The following RBCK1 variants were observed in gnomAD, a reference collection of about 807,000 sequenced individuals.
RBCK1 encodes RANBP2-type and C3HC4-type zinc finger containing 1.
A neutral mutation model predicts 71.1 loss-of-function variants in RBCK1; 44 were observed. That is an observed-to-expected ratio of 0.62 (90% confidence interval 0.49 to 0.80). RBCK1 has a LOEUF of 0.80. Ranked by LOEUF, RBCK1 falls within the 30% of genes least tolerant of loss-of-function variation. The pLI is 0.00. For synonymous variants in RBCK1, 306 were observed against 279.7 expected (o/e 1.09, Z -0.94); for missense variants, 569 against 685.0 (o/e 0.83, Z 1.89).
chr20:429,489 G>A (rs1216812660), intron 11 of RBCK1, among the ~76,000 whole-genome samples: 1 of 152,154 alleles, frequency 6.6e-6, no homozygotes, highest in Non-Finnish European at 1.5e-5. Context: ...GCCTCCCAAA[G>A]TGCTAGGATT....
At chr20:409,710 C>A in intron 1 of RBCK1, 171 bp from the exon 2 acceptor site, 4 of 982,356 alleles carry the variant, frequency 4.1e-6, no homozygotes, top group Non-Finnish European at 5.9e-6. Context: ...TATTAGAGAA[C>A]CCCTCCCGGA....
intron 7 of RBCK1, 55 bp downstream of exon 7, chr20:421,086 C>T (rs2016405661): frequency 2.0e-6 from 3 of 1,481,004 alleles, no homozygotes; most frequent in African/African-American, 2.8e-5. Flanking sequence ...CCGCCAATTA[C>T]GCAGGGCTGG....
At position 418,709 on chromosome 20, in the gene RBCK1, AT is replaced by A. The variant is rs956918054; in HGVS notation, c.461-630del. ...TATCATTCTCTTTCTATATAAAATT[AT>A]TTTTTTTCTGAACCATTTTGAGAGT... On this transcript the variant is annotated intron_variant, in intron 4 of 11. Coordinates refer to ENST00000356286, the MANE Select transcript of RBCK1 (RefSeq NM_031229.4). Among the ~76,000 whole-genome samples, 213 of 152,054 alleles carry A rather than the reference AT, an allele frequency of 1.4e-3. No individual in the cohort carries two copies. The Middle Eastern group carries it at 0.024, about 17-fold the overall frequency.
rs141609326 is a variant in RBCK1 at position 424,235 on chromosome 20, G to A, written c.1029+1997G>A. On this transcript the variant is annotated intron_variant, in intron 8 of 11. Transcript: ENST00000356286. The stretch of plus-strand genomic sequence containing the variant: ...TCTCTGCCTGGCTGCTGGTGATCTC[G>A]AGCAAGTTGTTTCCCTTCTGTGGGA... Among the ~76,000 whole-genome samples, 579 of 152,310 alleles carry A rather than the reference G, an allele frequency of 3.8e-3. 3 individuals carry two copies. Among genetic ancestry groups the A allele is most frequent in the South Asian group, 7.1e-3 (34 of 4,818 alleles).
chr20:412,471 C>T (rs916489122), intron 2 of RBCK1, among the ~76,000 whole-genome samples: 1 of 152,098 alleles, frequency 6.6e-6, no homozygotes, highest in Non-Finnish European at 1.5e-5. Context: ...AGGTGCCCAC[C>T]ACTACACTGG....
chr20:410,501 T>C, intron 2 of RBCK1: 1 of 779,796 alleles, frequency 1.3e-6, no homozygotes, highest in South Asian at 1.3e-5. Context: ...CACACTCTTC[T>C]AAAGAGCATA....
Position 417,106 on chromosome 20 carries a change from A to C in RBCK1, c.168-420A>C. 2.3e-6 allele frequency: 1 copy of C among 436,418 alleles called. No homozygotes were observed. The highest frequency in any genetic ancestry group is 4.8e-6 in the Non-Finnish European group (1 of 208,380). The allele number at this position is 436,418 out of a possible 1,614,324, so 27.0% of individuals were successfully genotyped here. ...ACATTTTTATCTGTAAAACAGGGATACAGCAGTACCTGTCTGATGGGTTGG... is the reference window on the plus strand; with the variant it reads ...ACATTTTTATCTGTAAAACAGGGATCCAGCAGTACCTGTCTGATGGGTTGG... On this transcript the variant is annotated intron_variant, in intron 2 of 11. Transcript: ENST00000356286. This position sits in a 1 kb window ranked among gnomAD's most constrained non-coding sequence, Gnocchi z 4.7.
chr20:418,994 CG>C (rs1177896373), intron 4 of RBCK1, among the ~76,000 whole-genome samples: 3 of 152,014 alleles, frequency 2.0e-5, no homozygotes, highest in Non-Finnish European at 2.9e-5. Context: ...TTTTTTTTGG[CG>C]GGGGTTGGGG....
rs768006735 is a variant in RBCK1 at position 427,442 on chromosome 20, A to G, written c.1159A>G (p.Asn387Asp). Residue 387 changes from asparagine (N) to aspartate (D), a missense_variant, in exon 9 of 12, where the codon AAT (asparagine) becomes GAT (aspartate). Asn to Asp is a conservative substitution (Grantham distance 23). This residue lies in a region of RBCK1 where 211 missense variants were observed against 309.4 expected (regional missense o/e 0.68). Transcript: ENST00000356286. The part of the protein sequence containing the change: ...KGWCFFEDDV[N>D]EFTCPVCFHV... The stretch of plus-strand genomic sequence containing the variant: ...ATGGTGCTTCTTTGAGGATGATGTC[A>G]ATGAGTTCACCTGCCCTGTGTGTTT... 6.2e-7 allele frequency: 1 copy of G among 1,614,086 alleles called. No homozygotes were observed. Among genetic ancestry groups the G allele is most frequent in the Non-Finnish European group, 8.5e-7 (1 of 1,180,040 alleles).
chr20:414,960 T>C (rs558649571), intron 2 of RBCK1, among the ~76,000 whole-genome samples: 97 of 152,242 alleles, frequency 6.4e-4, no homozygotes, highest in Non-Finnish European at 1.0e-3. Context: ...TGTCAATTCA[T>C]TGATAGTTGA....
chr20:423,676 A>T (rs1309489527), intron 8 of RBCK1, among the ~76,000 whole-genome samples: 1 of 152,198 alleles, frequency 6.6e-6, no homozygotes, highest in Non-Finnish European at 1.5e-5. Context: ...AAGGGGTTTG[A>T]GCATCCATGG....
Position 417,786 on chromosome 20 carries a change from C to A in RBCK1, c.316C>A (p.Arg106=), listed in dbSNP as rs867202046. 6.2e-7 allele frequency: 1 copy of A among 1,613,868 alleles called. No individual in the cohort carries two copies. Among genetic ancestry groups the A allele is most frequent in the Non-Finnish European group, 8.5e-7 (1 of 1,179,960 alleles). The change falls in exon 4 of 12, where the codon CGG becomes AGG. Residue 106 remains arginine, a synonymous_variant. Coordinates refer to ENST00000356286, the MANE Select transcript of RBCK1 (RefSeq NM_031229.4). The surrounding 1 kb of genome is among the most constrained non-coding windows in gnomAD (Gnocchi z 4.7). ...PVLQQWVIGQ[R]LARDQETLHS... Reference sequence around the variant, plus strand: ...CTTGCAGCAGTGGGTGATTGGGCAGCGGCTGGCACGAGACCAGGAGACCCT... The same window carrying A: ...CTTGCAGCAGTGGGTGATTGGGCAGAGGCTGGCACGAGACCAGGAGACCCT...
chr20:409,925 G>C lies in RBCK1; in HGVS notation c.67G>C (p.Asp23His). The change falls in exon 2 of 12, where the codon GAT (aspartate) becomes CAT (histidine). Residue 23 changes from aspartate (D) to histidine (H), a missense_variant. By Grantham distance (81) the Asp-to-His change is moderately conservative. Around this residue, in one of 2 missense-constraint regions of RBCK1, gnomAD observed 358 missense variants for 375.6 expected, o/e 0.95. Coordinates refer to ENST00000356286, the MANE Select transcript of RBCK1 (RefSeq NM_031229.4). ...LSLTRAVAGGDEQVAMKCAIW... is the reference protein window; with the variant it reads ...LSLTRAVAGGHEQVAMKCAIW... ...CCTCACCCGAGCAGTGGCGGGCGGG[G>C]ATGAACAGGTGGCAATGAAGTGTGC... 3 of 1,614,052 alleles carry C rather than the reference G, an allele frequency of 1.9e-6. No individual in the cohort carries two copies. Among genetic ancestry groups the C allele is most frequent in the Non-Finnish European group, 1.7e-6 (2 of 1,180,034 alleles).
At position 417,124 on chromosome 20, in the gene RBCK1, TG is replaced by T; in HGVS notation, c.168-399del. The T allele has an allele frequency of 2.2e-6, 1 of 459,144 alleles. No individual in the cohort carries two copies. Among genetic ancestry groups the T allele is most frequent in the Admixed American group, 2.4e-5 (1 of 42,078 alleles). The allele number at this position is 459,144 out of a possible 1,614,324, so 28.4% of individuals were successfully genotyped here. A position where few individuals can be genotyped will look rare whatever the true frequency, so the allele number is the denominator to read the frequency against. On this transcript the variant is annotated intron_variant, in intron 2 of 11. Coordinates refer to ENST00000356286, the MANE Select transcript of RBCK1 (RefSeq NM_031229.4). The surrounding 1 kb of genome is among the most constrained non-coding windows in gnomAD (Gnocchi z 4.7). Reference sequence around the variant, plus strand: ...CAGGGATACAGCAGTACCTGTCTGATGGGTTGGTTGAGAGGATTAAATGAGT... The same window carrying T: ...CAGGGATACAGCAGTACCTGTCTGATGGTTGGTTGAGAGGATTAAATGAGT...
rs552355525 is a variant in RBCK1, at chr20:422,895, A to C, written c.1029+657A>C. Among the ~76,000 whole-genome samples the C allele has an allele frequency of 1.2e-4, 18 of 151,948 alleles. No individual in the cohort carries two copies. The highest frequency in any genetic ancestry group is 1.5e-5 in the Non-Finnish European group (1 of 68,018). On this transcript the variant is annotated intron_variant, in intron 8 of 11. Transcript: ENST00000356286. This position sits in a 1 kb window ranked among gnomAD's most constrained non-coding sequence, Gnocchi z 5.0. ...CCTGGTGGCCTGGGTGTGTGACCAC[A>C]AGTCAGATATTTAACCTCTCTATGC...
intron 11 of RBCK1, among the ~76,000 whole-genome samples, chr20:429,585 T>G (rs1236491931): frequency 6.6e-6 from 1 of 152,198 alleles, no homozygotes; most frequent in Non-Finnish European, 1.5e-5. Flanking sequence ...TTTTGTGACG[T>G]GAAAATTACA....
chr20:411,513 G>A (rs1370602621), intron 2 of RBCK1, among the ~76,000 whole-genome samples: 4 of 152,088 alleles, frequency 2.6e-5, no homozygotes, highest in Admixed American at 6.5e-5. Flanking sequence ...GACTACAGGC[G>A]CCCGCCACCA....
At position 419,686 on chromosome 20, in the gene RBCK1, A is replaced by T. The variant is rs780599319; in HGVS notation, c.711A>T (p.Arg237=). 4 of 1,577,270 alleles carry T rather than the reference A, an allele frequency of 2.5e-6. No individual in the cohort carries two copies. The African/African-American group carries it at 5.4e-5, about 21-fold the overall frequency. ...PASYQPDEEE[R]ARLAGEEEAL... is the part of the protein sequence containing the mutation. ...CATACCAGCCCGACGAGGAGGAGCG[A>T]GCGCGCCTGGCGGGCGAGGAGGAGG... The change falls in exon 6 of 12, where the codon CGA becomes CGT. Residue 237 remains arginine, a synonymous_variant. Coordinates refer to ENST00000356286, the MANE Select transcript of RBCK1 (RefSeq NM_031229.4).
At chr20:419,771 A>G in intron 6 of RBCK1, 40 bp downstream of exon 6, 1 of 1,521,534 alleles carries the variant, frequency 6.6e-7, no homozygotes, top group Non-Finnish European at 8.8e-7. Flanking sequence ...TGCAGACCGC[A>G]CGGGGGAGGT....
Sources: gnomAD v4.1 joint callset for allele counts (sites outside exome capture counted in the v4.1 genomes callset) on GRCh38, gnomAD v4.1.1 for gene constraint, gnomAD v4.1.1 regional missense constraint, Gnocchi (gnomAD v3.1) non-coding constraint, MANE v1.5 for transcripts, NCBI Gene and HGNC (gene_info 2026-07-23, HGNC 2026-07-21) for gene names.